The following VRK1 variants were observed in gnomAD, a reference collection of about 807,000 sequenced individuals.
VRK1 encodes serine/threonine-protein kinase VRK1.
In VRK1, 33 loss-of-function variants were observed where a neutral mutation model predicts 57.1. That is an observed-to-expected ratio of 0.58 (90% CI 0.44 to 0.77). The LOEUF (loss-of-function observed/expected upper bound fraction) is 0.77. Among genes scored for constraint, VRK1 ranks in the 30% least tolerant of loss-of-function variants. The probability of loss-of-function intolerance (pLI) is 0.00; values close to 1 mark genes in which losing one functional copy is unlikely to be tolerated. For missense variants in VRK1, 413 were observed against 477.3 expected (o/e 0.87, Z 1.25); for synonymous variants, 137 against 147.8 (o/e 0.93, Z 0.53).
chr14:96,808,251 A>G (rs528883597), intron 1 of VRK1, among the ~76,000 whole-genome samples: 17 of 152,252 alleles, frequency 1.1e-4, no homozygotes, highest in African/African-American at 4.1e-4. Context: ...AAAAATGAAT[A>G]GGACATGGTC....
rs149054659 is a variant in VRK1, at chr14:96,817,708, A to T, written c.-5-15759A>T. ...GAGAATTAATTGTAAAAGTTTGCTC[A>T]CTAATTTTGCTCCCTAAATAGAATG... On this transcript the variant is annotated intron_variant, in intron 1 of 12. Transcript: ENST00000216639. 2.5e-3 allele frequency among the ~76,000 whole-genome samples: 379 copies of T among 152,310 alleles called. 3 individuals are homozygous for T. Among genetic ancestry groups the T allele is most frequent in the African/African-American group, 8.3e-3 (347 of 41,568 alleles).
intron 11 of VRK1, among the ~76,000 whole-genome samples, chr14:96,870,301 A>G (rs1189485169): frequency 1.3e-5 from 2 of 152,190 alleles, no homozygotes; most frequent in African/African-American, 4.8e-5. Flanking sequence ...AGTTCAAGGC[A>G]TCCTAGTGAT....
chr14:96,825,617 A>G (rs1295897933), intron 1 of VRK1, among the ~76,000 whole-genome samples: 13 of 152,234 alleles, frequency 8.5e-5, no homozygotes. Flanking sequence ...TTCAGGTCAT[A>G]TCTGACTTCA....
At chr14:96,808,807 TA>T (rs1002089300) in intron 1 of VRK1, among the ~76,000 whole-genome samples, 1 of 152,214 alleles carries the variant, frequency 6.6e-6, no homozygotes, top group African/African-American at 2.4e-5. Context: ...GATTATTGGT[TA>T]TTGCGTAACA....
chr14:96,812,859 T>G (rs1471451292), intron 1 of VRK1, among the ~76,000 whole-genome samples: 1 of 152,208 alleles, frequency 6.6e-6, no homozygotes, highest in African/African-American at 2.4e-5. Flanking sequence ...CTGGTTATAT[T>G]AATAAAATGA....
intron 1 of VRK1, among the ~76,000 whole-genome samples, chr14:96,820,653 G>A (rs556512267): frequency 7.9e-4 from 120 of 152,188 alleles, no homozygotes; most frequent in African/African-American, 2.8e-3. Context: ...CAAACAATAA[G>A]TCATTAGCCA....
At chr14:96,865,408 A>T (rs1888546743) in intron 11 of VRK1, among the ~76,000 whole-genome samples, 1 of 152,202 alleles carries the variant, frequency 6.6e-6, no homozygotes, top group African/African-American at 2.4e-5. Flanking sequence ...TCTCTGTGCC[A>T]GTGCCACACT....
intron 1 of VRK1, among the ~76,000 whole-genome samples, chr14:96,802,106 A>G (rs1027929214): frequency 6.6e-6 from 1 of 152,254 alleles, no homozygotes; most frequent in Non-Finnish European, 1.5e-5. Context: ...TCAGACTTGC[A>G]GAAAATACTT....
chr14:96,813,718 A>G (rs901711605), intron 1 of VRK1, among the ~76,000 whole-genome samples: 1 of 152,130 alleles, frequency 6.6e-6, no homozygotes, highest in Non-Finnish European at 1.5e-5. Context: ...TATGGCATTT[A>G]TATTTATGGC....
chr14:96,838,657 A>AT (rs1403904253), intron 3 of VRK1, among the ~76,000 whole-genome samples: 1 of 152,122 alleles, frequency 6.6e-6, no homozygotes, highest in Non-Finnish European at 1.5e-5. Flanking sequence ...CCATGACTTA[A>AT]TTACCTCCCA....
rs188381121 is a variant in VRK1, at chr14:96,880,950, A to G, written c.1160-227A>G. Among the ~76,000 whole-genome samples the G allele has an allele frequency of 1.5e-3, 230 of 152,344 alleles. 1 individual carries two copies. The highest frequency in any genetic ancestry group is 2.1e-3 in the Non-Finnish European group (145 of 68,030). ...ATTTTTATATGGCTTAAGAGAAGGT[A>G]GGTTTTGTCAGCATATTTTTTGACA... On this transcript the variant is annotated intron_variant, in intron 12 of 12. Transcript: ENST00000216639.
intron 1 of VRK1, among the ~76,000 whole-genome samples, chr14:96,832,014 A>G (rs1051941349): frequency 6.6e-6 from 1 of 152,012 alleles, no homozygotes; most frequent in Admixed American, 6.5e-5. Flanking sequence ...ACTAATTGAC[A>G]TGAAGAAATA....
chr14:96,868,922 A>C (rs1026928497), intron 11 of VRK1, among the ~76,000 whole-genome samples: 2 of 151,722 alleles, frequency 1.3e-5, no homozygotes, highest in African/African-American at 4.8e-5. Flanking sequence ...CAGCCTCCCA[A>C]GTAGCTGGGA....
chr14:96,865,346 AT>A (rs1237660069), intron 11 of VRK1, among the ~76,000 whole-genome samples: 4 of 152,086 alleles, frequency 2.6e-5, no homozygotes, highest in African/African-American at 9.7e-5. Context: ...AACCATAGGT[AT>A]TTTAGTCTCT....
chr14:96,847,681 G>A (rs1346620734), intron 5 of VRK1, among the ~76,000 whole-genome samples: 2 of 152,000 alleles, frequency 1.3e-5, no homozygotes, highest in Non-Finnish European at 2.9e-5. Flanking sequence ...AAACAAAAAC[G>A]CCTCTGTTCT....
At chr14:96,838,806 C>T (rs187052026) in intron 3 of VRK1, among the ~76,000 whole-genome samples, 9 of 152,268 alleles carry the variant, frequency 5.9e-5, no homozygotes, top group African/African-American at 1.4e-4. Flanking sequence ...TTTCGTTTTA[C>T]TCTCTTTTAT....
intron 3 of VRK1, among the ~76,000 whole-genome samples, chr14:96,838,288 T>C (rs1382519761): frequency 6.6e-6 from 1 of 152,172 alleles, no homozygotes; most frequent in Non-Finnish European, 1.5e-5. Context: ...TGGGCCTTTT[T>C]TGCTATAATA....
intron 1 of VRK1, among the ~76,000 whole-genome samples, chr14:96,814,642 C>T (rs1011222159): frequency 6.6e-6 from 1 of 152,110 alleles, no homozygotes; most frequent in South Asian, 2.1e-4. Context: ...GCTATATGTA[C>T]ACGCGTGGGG....
intron 11 of VRK1, 31 bp downstream of exon 11, chr14:96,860,766 C>A: frequency 1.3e-6 from 2 of 1,578,016 alleles, no homozygotes; most frequent in South Asian, 2.3e-5. Context: ...ATTCTTTGGT[C>A]TTCTTGTGTT....
Sources: gnomAD v4.1 joint callset for allele counts (sites outside exome capture counted in the v4.1 genomes callset) on GRCh38, gnomAD v4.1.1 for gene constraint, MANE v1.5 for transcripts, NCBI Gene and HGNC (gene_info 2026-07-23, HGNC 2026-07-21) for gene names.